Variants in PCSK5 observed in about 807,000 individuals in gnomAD.
PCSK5 encodes the protein proprotein convertase subtilisin/kexin type 5, also known as prohormone convertase 5.
PCSK5 carries 129 observed loss-of-function variants against 233.2 expected under a neutral mutation model. That is an observed-to-expected ratio of 0.55 (90% CI 0.48 to 0.64). The LOEUF is 0.64. Among genes scored for constraint, PCSK5 ranks in the 30% least tolerant of loss-of-function variants. The pLI is 0.00. For synonymous variants in PCSK5, 825 were observed against 879.2 expected (o/e 0.94, Z 1.09); for missense variants, 2,076 against 2,430.1 (o/e 0.85, Z 3.06).
intron 10 of PCSK5, among the ~76,000 whole-genome samples, chr9:76,141,071 G>T (rs1444499275): frequency 6.6e-6 from 1 of 152,060 alleles, no homozygotes; most frequent in East Asian, 1.9e-4. Context: ...TTGTGGTTAT[G>T]GTTGATATTT....
At chr9:76,343,947 A>T (rs1246809419) in intron 35 of PCSK5, among the ~76,000 whole-genome samples, 1 of 47,330 alleles carries the variant, frequency 2.1e-5, no homozygotes, top group Non-Finnish European at 6.6e-5. Context: ...GTCATGTTTA[A>T]AAAAAAAAAG....
chr9:76,098,204 A>T (rs1587625052), intron 8 of PCSK5, among the ~76,000 whole-genome samples: 2 of 152,200 alleles, frequency 1.3e-5, no homozygotes, highest in Admixed American at 1.3e-4. Flanking sequence ...ACCCATATAC[A>T]TGTCCCCATC....
intron 24 of PCSK5, among the ~76,000 whole-genome samples, chr9:76,266,828 A>G (rs545928186): frequency 6.6e-6 from 1 of 152,318 alleles, no homozygotes; most frequent in South Asian, 2.1e-4. Flanking sequence ...ATTGTCATCC[A>G]TGTAATTTGT....
At chr9:76,096,626 T>C (rs527520413) in intron 8 of PCSK5, among the ~76,000 whole-genome samples, 31 of 151,096 alleles carry the variant, frequency 2.1e-4, no homozygotes, top group Non-Finnish European at 4.0e-4. Flanking sequence ...TCCTTTGAGA[T>C]GAAGTCTAAC....
chr9:76,298,647 G>T (rs2842478), intron 27 of PCSK5, among the ~76,000 whole-genome samples: 102,196 of 150,848 alleles, frequency 0.68, 35,771 homozygotes, highest in East Asian at 0.95. Flanking sequence ...GACTTCTTTT[G>T]CTTAAAAAAA....
intron 5 of PCSK5, among the ~76,000 whole-genome samples, chr9:76,041,305 C>T (rs1829107174): frequency 6.6e-6 from 1 of 152,108 alleles, no homozygotes; most frequent in East Asian, 1.9e-4. Context: ...AGTATTTCAC[C>T]TGAGTCTTGG....
intron 30 of PCSK5, among the ~76,000 whole-genome samples, chr9:76,313,554 A>C (rs1416182929): frequency 1.3e-5 from 2 of 152,148 alleles, no homozygotes; most frequent in African/African-American, 4.8e-5. Flanking sequence ...TGAGCCAAGC[A>C]TGGTGGCCAT....
chr9:75,964,292 C>G (rs1825482053), intron 2 of PCSK5, among the ~76,000 whole-genome samples: 1 of 152,092 alleles, frequency 6.6e-6, no homozygotes, highest in Non-Finnish European at 1.5e-5. Flanking sequence ...GCCAGAACAC[C>G]AAGTCAGAGT....
At chr9:76,031,532 A>G (rs990482834) in intron 5 of PCSK5, among the ~76,000 whole-genome samples, 7 of 152,110 alleles carry the variant, frequency 4.6e-5, no homozygotes, top group Non-Finnish European at 1.0e-4. Context: ...TACTAAATAC[A>G]TAAATAAATA....
At chr9:76,150,085 C>T (rs11144766) in intron 10 of PCSK5, among the ~76,000 whole-genome samples, 25,799 of 151,992 alleles carry the variant, frequency 0.17, 2,400 homozygotes, top group East Asian at 0.31. Flanking sequence ...GTACATAGTG[C>T]GTGGAGAAGA....
chr9:75,931,198 A>G (rs1189241864), intron 1 of PCSK5, among the ~76,000 whole-genome samples: 1 of 152,014 alleles, frequency 6.6e-6, no homozygotes, highest in Non-Finnish European at 1.5e-5. Flanking sequence ...GATGAACAGA[A>G]GGGAAAGAGA....
At chr9:76,215,417 C>T (rs891673945) in intron 20 of PCSK5, among the ~76,000 whole-genome samples, 1 of 127,724 alleles carries the variant, frequency 7.8e-6, no homozygotes, top group Non-Finnish European at 1.6e-5. Context: ...GCTAAGCCTG[C>T]CTGGTAGCTG....
chr9:76,024,543 G>T (rs910102755), intron 4 of PCSK5, among the ~76,000 whole-genome samples: 1 of 152,188 alleles, frequency 6.6e-6, no homozygotes, highest in Non-Finnish European at 1.5e-5. Flanking sequence ...TAGAAGAATA[G>T]AAACTATGGC....
intron 37 of PCSK5, among the ~76,000 whole-genome samples, chr9:76,357,659 T>C (rs890037568): frequency 2.0e-5 from 3 of 152,254 alleles, no homozygotes; most frequent in African/African-American, 7.2e-5. Context: ...GAGCCTTTTG[T>C]CCTAATGTCT....
chr9:76,311,677 A>C (rs1354100265), intron 30 of PCSK5, among the ~76,000 whole-genome samples: 1 of 152,212 alleles, frequency 6.6e-6, no homozygotes, highest in Non-Finnish European at 1.5e-5. Context: ...TGCCAAGTAA[A>C]ATGACTGAGA....
At chr9:76,240,477 C>T in intron 23 of PCSK5, 139 bp from the exon 24 acceptor site, 1 of 642,928 alleles carries the variant, frequency 1.6e-6, no homozygotes. Context: ...CCACATATAT[C>T]CTCGAGGACG....
At chr9:75,931,768 A>G (rs1823813168) in intron 1 of PCSK5, among the ~76,000 whole-genome samples, 1 of 152,228 alleles carries the variant, frequency 6.6e-6, no homozygotes, top group African/African-American at 2.4e-5. Context: ...TTATACAGGA[A>G]GCTTAGCTGA....
Position 76,318,079 on chromosome 9 carries a change from T to G in PCSK5, c.3885-3343T>G, listed in dbSNP as rs576705897. Among the ~76,000 whole-genome samples the G allele has an allele frequency of 3.3e-5, 5 of 152,348 alleles. 1 individual carries two copies. Among genetic ancestry groups the G allele is most frequent in the Middle Eastern group, 6.8e-3 (2 of 294 alleles). On this transcript the variant is annotated intron_variant, in intron 30 of 37. Transcript: ENST00000674117. ...AGAAGTCCATTTTCTCTAAGCCGGC[T>G]TATGGTTCTTCCTCTTCCGCGAGTT... is the stretch of plus-strand genomic sequence containing the variant.
intron 17 of PCSK5, among the ~76,000 whole-genome samples, chr9:76,185,564 A>G (rs1235921571): frequency 6.6e-6 from 1 of 152,164 alleles, no homozygotes; most frequent in African/African-American, 2.4e-5. Context: ...CATCATTTTC[A>G]TTTAGATTAA....
Sources: allele counts gnomAD v4.1 joint callset (sites outside exome capture counted in the v4.1 genomes callset), GRCh38; gene constraint gnomAD v4.1.1; transcripts MANE v1.5; gene names NCBI Gene and HGNC (gene_info 2026-07-23, HGNC 2026-07-21).